The following RBFOX1 variants were observed in gnomAD, a reference collection of about 807,000 sequenced individuals.
RBFOX1 encodes the protein RNA binding protein fox-1 homolog 1.
A neutral mutation model predicts 57.7 loss-of-function variants in RBFOX1; 8 were observed. The ratio of observed to expected loss-of-function variants is 0.14; its 90% confidence interval spans 0.08 to 0.25. RBFOX1 has a LOEUF of 0.25. Among genes scored for constraint, RBFOX1 ranks in the 10% least tolerant of loss-of-function variants. RBFOX1 has a pLI of 1.00. For missense variants in RBFOX1, 611 were observed against 548.5 expected (o/e 1.11, Z -1.14); for synonymous variants, 326 against 222.4 (o/e 1.47, Z -4.15).
At chr16:7,695,558 C>T (rs529937124) in intron 14 of RBFOX1, among the ~76,000 whole-genome samples, 2 of 148,768 alleles carry the variant, frequency 1.3e-5, no homozygotes, top group South Asian at 4.2e-4. Flanking sequence ...GAGACTGAGG[C>T]AGAGAATTGC....
intron 1 of RBFOX1, among the ~76,000 whole-genome samples, chr16:5,346,859 C>G (rs141020980): frequency 5.3e-5 from 8 of 152,278 alleles, no homozygotes; most frequent in African/African-American, 9.6e-5. Context: ...ATAACAGCAC[C>G]TCCCTCAAGA....
chr16:7,117,033 C>T lies in RBFOX1; in HGVS notation c.27+64935C>T, dbSNP rs568569430. Among the ~76,000 whole-genome samples, 22 of 152,082 alleles carry T rather than the reference C, an allele frequency of 1.4e-4. 1 individual carries two copies. In the East Asian group the frequency reaches 4.1e-3, roughly 28 times the overall value. On this transcript the variant is annotated intron_variant, in intron 4 of 15. Coordinates refer to ENST00000550418, the MANE Select transcript of RBFOX1 (RefSeq NM_018723.4). The stretch of plus-strand genomic sequence containing the variant: ...CAAGAAAGAGTTAGGGAAGTGAAGA[C>T]AAGAGGGGACAGTTTTGTCAAACAT...
chr16:7,695,166 T>C (rs993338617), intron 14 of RBFOX1, among the ~76,000 whole-genome samples: 1 of 152,176 alleles, frequency 6.6e-6, no homozygotes, highest in Non-Finnish European at 1.5e-5. Context: ...CCCTAGTCCT[T>C]TGATGGCCAT....
intron 3 of RBFOX1, among the ~76,000 whole-genome samples, chr16:6,685,494 G>T (rs72764910): frequency 1.5e-5 from 2 of 136,318 alleles, no homozygotes; most frequent in African/African-American, 5.5e-5. Flanking sequence ...TGCCGTGTTC[G>T]CCAGGCTGCT....
At chr16:7,281,397 G>C (rs2095540801) in intron 4 of RBFOX1, among the ~76,000 whole-genome samples, 1 of 151,872 alleles carries the variant, frequency 6.6e-6, no homozygotes, top group Admixed American at 6.6e-5. Context: ...ATGAGAGCCA[G>C]GTGACTTTGT....
At chr16:7,451,770 C>A (rs560533262) in intron 4 of RBFOX1, among the ~76,000 whole-genome samples, 1 of 145,234 alleles carries the variant, frequency 6.9e-6, no homozygotes, top group Admixed American at 7.4e-5. Flanking sequence ...AGAGGCAAGA[C>A]CAAATTTGTG....
At chr16:5,657,033 G>T (rs1320137920) in intron 3 of RBFOX1, among the ~76,000 whole-genome samples, 1 of 152,048 alleles carries the variant, frequency 6.6e-6, no homozygotes, top group Non-Finnish European at 1.5e-5. Context: ...AGACCAACAT[G>T]GCACATGTAT....
intron 2 of RBFOX1, among the ~76,000 whole-genome samples, chr16:6,485,589 T>C (rs938972509): frequency 6.6e-6 from 1 of 152,212 alleles, no homozygotes; most frequent in Non-Finnish European, 1.5e-5. Flanking sequence ...AATTATTTAG[T>C]ATCAGGCAAT....
chr16:5,703,124 A>T (rs58486289), intron 3 of RBFOX1, among the ~76,000 whole-genome samples: 9,574 of 152,272 alleles, frequency 0.063, 967 homozygotes, highest in African/African-American at 0.21. Context: ...TGGCATTTAC[A>T]GTCTAAGGCA....
intron 1 of RBFOX1, among the ~76,000 whole-genome samples, chr16:5,376,396 C>T (rs752963382): frequency 4.3e-4 from 66 of 151,942 alleles, no homozygotes; most frequent in Non-Finnish European, 7.5e-4. Flanking sequence ...TTGGGATTCA[C>T]CTGCTGTTGT....
At chr16:5,730,066 C>G (rs575628660) in intron 3 of RBFOX1, among the ~76,000 whole-genome samples, 1 of 152,298 alleles carries the variant, frequency 6.6e-6, no homozygotes, top group African/African-American at 2.4e-5. Flanking sequence ...CACAGTGCAT[C>G]TGATCAGAGG....
intron 1 of RBFOX1, among the ~76,000 whole-genome samples, chr16:6,313,034 C>T (rs370355773): frequency 1.6e-4 from 25 of 152,170 alleles, no homozygotes; most frequent in African/African-American, 5.8e-4. Context: ...CAGGGGGTTC[C>T]AACAGGAAGC....
chr16:6,451,194 A>AT (rs1038949655), intron 2 of RBFOX1, among the ~76,000 whole-genome samples: 3 of 151,560 alleles, frequency 2.0e-5, no homozygotes, highest in African/African-American at 4.9e-5. Context: ...TTATTCTTTT[A>AT]TTTTTTTATT....
intron 2 of RBFOX1, among the ~76,000 whole-genome samples, chr16:6,605,171 C>T (rs1357033977): frequency 1.3e-5 from 2 of 152,014 alleles, no homozygotes; most frequent in Non-Finnish European, 2.9e-5. Context: ...CCCAGGAGCT[C>T]AAGGCTACAG....
intron 1 of RBFOX1, among the ~76,000 whole-genome samples, chr16:6,096,174 T>C (rs754137795): frequency 3.9e-5 from 6 of 152,200 alleles, no homozygotes; most frequent in Non-Finnish European, 8.8e-5. Flanking sequence ...TAGTTATTTA[T>C]AACCTGATGG....
Position 5,996,433 on chromosome 16 carries a change from T to G in RBFOX1, c.351+129098T>G, listed in dbSNP as rs77289219. Among the ~76,000 whole-genome samples the G allele has an allele frequency of 4.9e-3, 703 of 144,172 alleles. 2 individuals carry two copies. Among genetic ancestry groups the G allele is most frequent in the Non-Finnish European group, 7.4e-3 (495 of 66,624 alleles). The allele number at this position is 144,172 out of a possible 152,430, so 94.6% of individuals were successfully genotyped here. A position where few individuals can be genotyped will look rare whatever the true frequency, so the allele number is the denominator to read the frequency against. The stretch of plus-strand genomic sequence containing the variant: ...GGCTTTGCAATCTGGTTGGAGGAGT[T>G]CACGGAGGTGTGAGGGTGATTTTTT... On this transcript the variant is annotated intron_variant, in intron 4 of 19. Coordinates refer to the RBFOX1 transcript ENST00000641259.
intron 1 of RBFOX1, among the ~76,000 whole-genome samples, chr16:5,463,449 A>G (rs1030700143): frequency 2.6e-5 from 4 of 152,178 alleles, no homozygotes; most frequent in Admixed American, 2.0e-4. Context: ...TAAAATGAAA[A>G]TAATACAGAG....
At chr16:7,331,345 A>G (rs1278052680) in intron 4 of RBFOX1, among the ~76,000 whole-genome samples, 1 of 152,134 alleles carries the variant, frequency 6.6e-6, no homozygotes, top group African/African-American at 2.4e-5. Context: ...TGAATGTTTC[A>G]TTTTGAAGGT....
At chr16:5,882,770 T>A (rs2057794608) in intron 4 of RBFOX1, among the ~76,000 whole-genome samples, 1 of 152,120 alleles carries the variant, frequency 6.6e-6, no homozygotes, top group South Asian at 2.1e-4. Flanking sequence ...TTTGACACAA[T>A]ACATTACTGC....
Sources: allele counts gnomAD v4.1 joint callset (sites outside exome capture counted in the v4.1 genomes callset), GRCh38; gene constraint gnomAD v4.1.1; transcripts MANE v1.5; gene names NCBI Gene and HGNC (gene_info 2026-07-23, HGNC 2026-07-21).